The following UVRAG variants were observed in gnomAD, a reference collection of about 807,000 sequenced individuals.
UVRAG encodes UV radiation resistance associated.
Under a neutral mutation model 78.0 loss-of-function variants are expected in UVRAG, and 19 were observed. The ratio of observed to expected loss-of-function variants is 0.24; its 90% confidence interval spans 0.17 to 0.36. The LOEUF is 0.36. Among genes scored for constraint, UVRAG ranks in the 10% least tolerant of loss-of-function variants. The pLI is 1.00. For missense variants in UVRAG, 740 were observed against 853.8 expected (o/e 0.87, Z 1.66); for synonymous variants, 323 against 324.6 (o/e 1.00, Z 0.05).
intron 7 of UVRAG, among the ~76,000 whole-genome samples, chr11:75,965,505 CG>C (rs1254289109): frequency 1.3e-5 from 2 of 152,084 alleles, no homozygotes; most frequent in Admixed American, 1.3e-4. Flanking sequence ...TTAGTAGAGA[CG>C]GGGGTTCACC....
intron 13 of UVRAG, among the ~76,000 whole-genome samples, chr11:76,075,262 T>TA (rs59240658): frequency 0.098 from 14,836 of 151,874 alleles, 1,658 homozygotes; most frequent in African/African-American, 0.27. Context: ...GTACTAAATT[T>TA]AAAAAAAAGT....
chr11:76,117,581 G>A (rs932682774), intron 14 of UVRAG, among the ~76,000 whole-genome samples: 8 of 152,210 alleles, frequency 5.3e-5, no homozygotes, highest in African/African-American at 1.9e-4. Flanking sequence ...AAAGCTACTT[G>A]GAAAATGGGG....
chr11:76,048,053 G>C (rs1950796126), intron 12 of UVRAG, among the ~76,000 whole-genome samples: 1 of 152,202 alleles, frequency 6.6e-6, no homozygotes, highest in Non-Finnish European at 1.5e-5. Context: ...TTAAAGGCAG[G>C]TGGTTATATG....
At chr11:76,051,230 T>G (rs1292800011) in intron 12 of UVRAG, among the ~76,000 whole-genome samples, 2 of 152,174 alleles carry the variant, frequency 1.3e-5, no homozygotes, top group Non-Finnish European at 2.9e-5. Context: ...TTATGCACCT[T>G]GCATGCTTAA....
In UVRAG at chr11:76,143,187, A is replaced by G. The variant is rs1390739753; in HGVS notation, c.*1774A>G. On this transcript the variant is annotated 3_prime_UTR_variant, in exon 15 of 15. Transcript: ENST00000356136. ...CCAGGGAAGTAACATTTACCAAAAA[A>G]AAAGAAAAGTTCTGAAGGGCAGTGT... 6.6e-6 allele frequency: 1 copy of G among 152,244 alleles called. No individual in the cohort carries two copies. The highest frequency in any genetic ancestry group is 1.5e-5 in the Non-Finnish European group (1 of 68,062). 9.4% of individuals were successfully genotyped at this position (152,244 alleles called of 1,614,324 possible). A position where few individuals can be genotyped will look rare whatever the true frequency, so the allele number is the denominator to read the frequency against.
chr11:76,040,380 G>A (rs1484967969), intron 12 of UVRAG, among the ~76,000 whole-genome samples: 1 of 151,612 alleles, frequency 6.6e-6, no homozygotes, highest in African/African-American at 2.4e-5. Flanking sequence ...GGCTAAGCCA[G>A]GAGAATGGTG....
intron 6 of UVRAG, among the ~76,000 whole-genome samples, chr11:75,932,811 T>G (rs1304110541): frequency 6.6e-6 from 1 of 152,130 alleles, no homozygotes; most frequent in Non-Finnish European, 1.5e-5. Flanking sequence ...ACATGAAAGC[T>G]CTGCAGTGAA....
intron 12 of UVRAG, among the ~76,000 whole-genome samples, chr11:76,055,340 A>G (rs755167255): frequency 1.6e-4 from 25 of 152,110 alleles, no homozygotes; most frequent in Non-Finnish European, 3.4e-4. Context: ...GAGCCACCGC[A>G]CCAGCCTGTT....
intron 3 of UVRAG, among the ~76,000 whole-genome samples, chr11:75,877,093 A>G (rs1014733796): frequency 1.3e-5 from 2 of 151,552 alleles, no homozygotes; most frequent in Admixed American, 1.3e-4. Flanking sequence ...AACAAAGCAC[A>G]TCTTGCACCG....
At chr11:75,878,331 C>G (rs1946854622) in intron 3 of UVRAG, 1 of 186,254 alleles carries the variant, frequency 5.4e-6, no homozygotes, top group Non-Finnish European at 1.1e-5. Flanking sequence ...CTCCTCACTT[C>G]CTAGATGGGA....
In UVRAG at chr11:76,004,028, C is replaced by T. The variant is rs374211249; in HGVS notation, c.850C>T (p.Leu284Phe). ...AGGAAGTGCATTTTCAGCTGAGCAC[C>T]TCAAACTTCAACTCCAGAAGGAATC... The part of the protein sequence containing the change: ...DKGSAFSAEH[L>F]KLQLQKESLN... Residue 284 changes from leucine (L) to phenylalanine (F), a missense_variant, in exon 9 of 15, where the codon CTC (leucine) becomes TTC (phenylalanine). Transcript: ENST00000356136. 4.3e-6 allele frequency: 7 copies of T among 1,613,826 alleles called. No homozygotes were observed. The African/African-American group carries it at 9.3e-5, about 22-fold the overall frequency.
At chr11:75,837,446 A>G (rs1209300199) in intron 1 of UVRAG, 1 of 152,010 alleles carries the variant, frequency 6.6e-6, no homozygotes, top group East Asian at 1.9e-4. Flanking sequence ...TAGATTACTT[A>G]TAATATCTAA....
At chr11:75,961,636 T>A in intron 7 of UVRAG, 87 bp downstream of exon 7, 1 of 987,916 alleles carries the variant, frequency 1.0e-6, no homozygotes. Flanking sequence ...TAAAAAACGC[T>A]TTAGATCGTT....
At chr11:76,006,024 G>A (rs1469340453) in intron 9 of UVRAG, among the ~76,000 whole-genome samples, 5 of 151,838 alleles carry the variant, frequency 3.3e-5, no homozygotes, top group African/African-American at 1.2e-4. Flanking sequence ...GGTGGGTGGG[G>A]AAGAAAGTCC....
intron 13 of UVRAG, among the ~76,000 whole-genome samples, chr11:76,099,524 T>C (rs534350325): frequency 6.6e-6 from 1 of 152,292 alleles, no homozygotes; most frequent in African/African-American, 2.4e-5. Context: ...ATTTGTATGT[T>C]AAGTAGGATT....
chr11:75,908,906 A>T (rs945575188), intron 5 of UVRAG, among the ~76,000 whole-genome samples: 1 of 151,812 alleles, frequency 6.6e-6, no homozygotes, highest in African/African-American at 2.4e-5. Context: ...TGTCTACATT[A>T]TCTGATTTGC....
intron 6 of UVRAG, among the ~76,000 whole-genome samples, chr11:75,947,227 C>T (rs1004320001): frequency 6.6e-6 from 1 of 152,186 alleles, no homozygotes; most frequent in African/African-American, 2.4e-5. Context: ...CCCAGCTAAT[C>T]TCCCTTTTGG....
At chr11:75,969,351 A>G (rs1949083578) in intron 7 of UVRAG, among the ~76,000 whole-genome samples, 1 of 152,222 alleles carries the variant, frequency 6.6e-6, no homozygotes, top group South Asian at 2.1e-4. Context: ...ATAATACTGC[A>G]TTGTATGTAT....
At chr11:76,010,970 T>C (rs1239410816) in intron 11 of UVRAG, among the ~76,000 whole-genome samples, 2 of 152,188 alleles carry the variant, frequency 1.3e-5, no homozygotes, top group Non-Finnish European at 2.9e-5. Flanking sequence ...AAAGTCACTC[T>C]GGCTGCTAAA....
Sources: allele counts gnomAD v4.1 joint callset (sites outside exome capture counted in the v4.1 genomes callset), GRCh38; gene constraint gnomAD v4.1.1; transcripts MANE v1.5; gene names NCBI Gene and HGNC (gene_info 2026-07-23, HGNC 2026-07-21).